GRM7: variants seen among roughly 807,000 people sequenced by gnomAD.
GRM7 encodes the protein metabotropic glutamate receptor 7.
In GRM7, 35 loss-of-function variants were observed where a neutral mutation model predicts 84.5. The observed-to-expected ratio is 0.41, with a 90% confidence interval of 0.32 to 0.55. The LOEUF (loss-of-function observed/expected upper bound fraction) is 0.55. Ranked by LOEUF, GRM7 falls within the 20% of genes least tolerant of loss-of-function variation. The pLI is 0.19. For missense variants in GRM7, 1,003 were observed against 1,194.6 expected (o/e 0.84, Z 2.36); for synonymous variants, 487 against 455.1 (o/e 1.07, Z -0.89).
chr3:7,092,154 A>G (rs1229340142), intron 1 of GRM7, among the ~76,000 whole-genome samples: 1 of 152,104 alleles, frequency 6.6e-6, no homozygotes, highest in African/African-American at 2.4e-5. Context: ...GACTACAGGC[A>G]TTCACCATTT....
intron 1 of GRM7, among the ~76,000 whole-genome samples, chr3:6,868,947 T>G (rs1322397567): frequency 6.6e-6 from 1 of 152,238 alleles, no homozygotes; most frequent in Non-Finnish European, 1.5e-5. Flanking sequence ...GACTTTCTTT[T>G]ATTCTTGATG....
chr3:6,985,339 A>G (rs1575099613), intron 1 of GRM7, among the ~76,000 whole-genome samples: 1 of 151,980 alleles, frequency 6.6e-6, no homozygotes, highest in Admixed American at 6.6e-5. Context: ...GTACCCATTA[A>G]CCATCTTCAC....
chr3:7,578,798 T>C lies in GRM7; in HGVS notation c.1892T>C (p.Val631Ala). Residue 631 changes from valine (V) to alanine (A), a missense_variant, in exon 8 of 10, where the codon GTT (valine) becomes GCT (alanine). Coordinates refer to ENST00000357716, the MANE Select transcript of GRM7 (RefSeq NM_000844.4). ...GCATCTGGGCGGGAACTCAGCTATG[T>C]TCTTTTGACGGGCATCTTTCTTTGC... ...VRASGRELSY[V>A]LLTGIFLCYI... The C allele has an allele frequency of 1.2e-6, 2 of 1,614,140 alleles. No individual in the cohort carries two copies. The highest frequency in any genetic ancestry group is 1.7e-6 in the Non-Finnish European group (2 of 1,180,006).
chr3:7,124,811 G>A (rs984547294), intron 1 of GRM7, among the ~76,000 whole-genome samples: 1 of 152,070 alleles, frequency 6.6e-6, no homozygotes, highest in African/African-American at 2.4e-5. Flanking sequence ...ATAATGTCTT[G>A]TATTCATATT....
intron 4 of GRM7, among the ~76,000 whole-genome samples, chr3:7,367,880 C>A (rs1693967808): frequency 6.6e-6 from 1 of 151,214 alleles, no homozygotes; most frequent in African/African-American, 2.4e-5. Context: ...CCACATTCTT[C>A]CCTTTGCCAT....
chr3:6,925,776 C>T (rs1205157410), intron 1 of GRM7, among the ~76,000 whole-genome samples: 1 of 152,200 alleles, frequency 6.6e-6, no homozygotes, highest in Admixed American at 6.5e-5. Context: ...CCCATTGATC[C>T]TACCTTGTCC....
intron 4 of GRM7, among the ~76,000 whole-genome samples, chr3:7,379,133 C>G (rs1211439502): frequency 6.6e-6 from 1 of 152,118 alleles, no homozygotes; most frequent in African/African-American, 2.4e-5. Flanking sequence ...AGTGCAGTGG[C>G]GTGATGTTGG....
At chr3:7,325,068 C>T (rs1400678161) in intron 4 of GRM7, among the ~76,000 whole-genome samples, 3 of 152,158 alleles carry the variant, frequency 2.0e-5, no homozygotes, top group African/African-American at 7.2e-5. Context: ...GAGACAGAGC[C>T]TCATTGCCTT....
intron 1 of GRM7, among the ~76,000 whole-genome samples, chr3:6,945,934 A>T (rs1286914942): frequency 6.6e-6 from 1 of 151,842 alleles, no homozygotes; most frequent in Non-Finnish European, 1.5e-5. Context: ...AATTTGTTTG[A>T]GTTCATTGTA....
intron 3 of GRM7, among the ~76,000 whole-genome samples, chr3:7,304,463 C>A (rs1306767431): frequency 6.6e-6 from 1 of 151,076 alleles, no homozygotes; most frequent in Non-Finnish European, 1.5e-5. Context: ...TCCCATTATG[C>A]GGCTAAGTTT....
intron 7 of GRM7, among the ~76,000 whole-genome samples, chr3:7,494,629 C>G (rs1040867699): frequency 1.6e-4 from 24 of 152,098 alleles, no homozygotes; most frequent in Non-Finnish European, 3.2e-4. Context: ...GACTGAAGCT[C>G]TCTTCGTTTT....
At chr3:7,244,559 A>G (rs1291732190) in intron 2 of GRM7, among the ~76,000 whole-genome samples, 1 of 152,074 alleles carries the variant, frequency 6.6e-6, no homozygotes, top group Non-Finnish European at 1.5e-5. Flanking sequence ...GGATTTGGTA[A>G]GCACCTTATT....
At chr3:7,475,717 A>T (rs1698895778) in intron 7 of GRM7, among the ~76,000 whole-genome samples, 1 of 152,228 alleles carries the variant, frequency 6.6e-6, no homozygotes, top group Admixed American at 6.5e-5. Context: ...CATTATGGCA[A>T]AACCATTGAA....
rs189652335 is a variant in GRM7, at chr3:6,989,430, C to G, written c.519+127523C>G. On this transcript the variant is annotated intron_variant, in intron 1 of 9. Transcript: ENST00000357716. The stretch of plus-strand genomic sequence containing the variant: ...AAGATGACATAGTTAGGGGATGGAT[C>G]CAGTCTTCTATTTTGTATTCTGTAT... Among the ~76,000 whole-genome samples the G allele has an allele frequency of 3.3e-3, 499 of 152,244 alleles. 2 individuals are homozygous for G. Among genetic ancestry groups the G allele is most frequent in the African/African-American group, 0.011 (475 of 41,562 alleles).
chr3:7,221,693 T>C (rs1260594542), intron 2 of GRM7, among the ~76,000 whole-genome samples: 1 of 151,876 alleles, frequency 6.6e-6, no homozygotes, highest in Non-Finnish European at 1.5e-5. Context: ...TTCTGTTTTA[T>C]GTTTCCTTCC....
Position 7,127,449 on chromosome 3 carries a change from T to A in GRM7, c.520-19003T>A, listed in dbSNP as rs1015039020. ...TGACAGTATCTTATATAAATTTGAGTTAATAATTCAGCATCCACTTTTCTG... is the reference window on the plus strand; with the variant it reads ...TGACAGTATCTTATATAAATTTGAGATAATAATTCAGCATCCACTTTTCTG... On this transcript the variant is annotated intron_variant, in intron 1 of 9. Transcript: ENST00000357716. 1.3e-4 allele frequency among the ~76,000 whole-genome samples: 20 copies of A among 152,194 alleles called. 4 individuals carry two copies. The highest frequency in any genetic ancestry group is 4.6e-4 in the Admixed American group (7 of 15,284).
intron 8 of GRM7, among the ~76,000 whole-genome samples, chr3:7,609,841 C>T (rs1172007736): frequency 2.0e-5 from 3 of 152,084 alleles, no homozygotes; most frequent in Non-Finnish European, 4.4e-5. Context: ...GACAACCACT[C>T]CTTTAAAGAA....
chr3:7,143,249 G>T (rs1325554978), intron 1 of GRM7, among the ~76,000 whole-genome samples: 2 of 152,114 alleles, frequency 1.3e-5, no homozygotes, highest in Non-Finnish European at 2.9e-5. Flanking sequence ...ACATTAACTT[G>T]AAAGCAAGTA....
At chr3:7,211,753 A>C (rs527338414) in intron 2 of GRM7, among the ~76,000 whole-genome samples, 1 of 151,968 alleles carries the variant, frequency 6.6e-6, no homozygotes, top group South Asian at 2.1e-4. Flanking sequence ...TTCATTTTGC[A>C]CTTTAGGGTT....
Sources: gnomAD v4.1 joint callset for allele counts (sites outside exome capture counted in the v4.1 genomes callset) on GRCh38, gnomAD v4.1.1 for gene constraint, MANE v1.5 for transcripts, NCBI Gene and HGNC (gene_info 2026-07-23, HGNC 2026-07-21) for gene names.